The following SNX29 variants were observed in gnomAD, a reference collection of about 807,000 sequenced individuals.
SNX29 encodes sorting nexin 29, also known as sorting nexin-29.
In SNX29, 78 loss-of-function variants were observed where a neutral mutation model predicts 102.1. That is an observed-to-expected ratio of 0.76 (90% CI 0.64 to 0.92). The LOEUF (loss-of-function observed/expected upper bound fraction) is 0.92. Among genes scored for constraint, SNX29 ranks in the 40% least tolerant of loss-of-function variants. The pLI is 0.00. For missense variants in SNX29, 1,280 were observed against 1,061.7 expected, an observed-to-expected ratio of 1.21 and a Z score of -2.86; for synonymous variants, 580 against 414.5, an observed-to-expected ratio of 1.40 and a Z score of -4.85.
At position 12,572,260 on chromosome 16, in the gene SNX29, C is replaced by T. The variant is rs936336146; in HGVS notation, c.*3631C>T. On this transcript the variant is annotated 3_prime_UTR_variant, in exon 21 of 21. Transcript: ENST00000566228. Reference sequence around the variant, plus strand: ...TACACCAGGTGGATTGATACCATGGCTGTAGCTGATGCAACTAACAAGTAC... The same window carrying T: ...TACACCAGGTGGATTGATACCATGGTTGTAGCTGATGCAACTAACAAGTAC... 6 of 1,057,168 alleles carry T rather than the reference C, an allele frequency of 5.7e-6. No individual in the cohort carries two copies. The highest frequency in any genetic ancestry group is 6.9e-6 in the Non-Finnish European group (6 of 872,566). 65.5% of individuals were successfully genotyped at this position (1,057,168 alleles called of 1,614,324 possible).
chr16:12,488,401 G>T (rs1042234953), intron 19 of SNX29, among the ~76,000 whole-genome samples: 1 of 151,934 alleles, frequency 6.6e-6, no homozygotes, highest in African/African-American at 2.4e-5. Context: ...ATACTCCATC[G>T]CATCACGGTT....
At chr16:12,547,036 G>A (rs995039473) in intron 20 of SNX29, among the ~76,000 whole-genome samples, 1 of 151,796 alleles carries the variant, frequency 6.6e-6, no homozygotes, top group Admixed American at 6.6e-5. Flanking sequence ...TAAAGCATCT[G>A]TTTTCATGGG....
intron 18 of SNX29, among the ~76,000 whole-genome samples, chr16:12,417,457 C>G (rs1156316610): frequency 6.6e-6 from 1 of 152,182 alleles, no homozygotes. Flanking sequence ...GGGAGATGAG[C>G]TAGTGGGTCA....
intron 20 of SNX29, among the ~76,000 whole-genome samples, chr16:12,555,901 C>G (rs567252562): frequency 1.3e-5 from 2 of 151,896 alleles, no homozygotes; most frequent in African/African-American, 4.9e-5. Flanking sequence ...TGTTCTTGGT[C>G]TCAAACCTTA....
intron 14 of SNX29, among the ~76,000 whole-genome samples, chr16:12,260,096 C>CT (rs1215354621): frequency 6.6e-6 from 1 of 152,174 alleles, no homozygotes; most frequent in Non-Finnish European, 1.5e-5. Context: ...CCATTGTGAC[C>CT]TGACCCTATG....
chr16:12,027,666 C>G (rs2057231736), intron 4 of SNX29: 1 of 465,776 alleles, frequency 2.1e-6, no homozygotes, highest in Non-Finnish European at 3.7e-6. Context: ...CTCAGAGCCA[C>G]ATGGTACAGT....
At chr16:12,356,414 T>A in intron 16 of SNX29, 135 bp downstream of exon 16, 2 of 691,734 alleles carry the variant, frequency 2.9e-6, no homozygotes, top group East Asian at 5.7e-5. Flanking sequence ...CTGCCACATT[T>A]GCTTTTTATT....
chr16:12,532,047 A>C (rs1453549896), intron 20 of SNX29, among the ~76,000 whole-genome samples: 1 of 152,150 alleles, frequency 6.6e-6, no homozygotes, highest in Non-Finnish European at 1.5e-5. Context: ...ATGGAGCTGC[A>C]GGTCTGGGTC....
chr16:12,526,523 C>A, intron 20 of SNX29: 1 of 512,094 alleles, frequency 2.0e-6, no homozygotes, highest in Non-Finnish European at 3.8e-6. Context: ...CTTTATTTTT[C>A]TTTTCTTCTT....
intron 4 of SNX29, among the ~76,000 whole-genome samples, chr16:12,030,276 C>G (rs561918943): frequency 1.3e-5 from 2 of 152,198 alleles, no homozygotes; most frequent in African/African-American, 4.8e-5. Flanking sequence ...TATTCTTAGT[C>G]ATACCCGCAG....
Position 12,249,554 on chromosome 16 carries a change from A to G in SNX29, c.1679-28379A>G, listed in dbSNP as rs372088535. Among the ~76,000 whole-genome samples, 121 of 152,282 alleles carry G rather than the reference A, an allele frequency of 7.9e-4. 4 individuals carry two copies. The South Asian group carries it at 0.025, about 31-fold the overall frequency. On this transcript the variant is annotated intron_variant, in intron 14 of 20. Transcript: ENST00000566228. ...GGCCACTGGTCTAACCACTGGCATT[A>G]CCATAGGTAGATGAAAGGACAGATT...
intron 14 of SNX29, among the ~76,000 whole-genome samples, chr16:12,226,920 G>C (rs959608860): frequency 5.3e-5 from 8 of 152,236 alleles, no homozygotes; most frequent in African/African-American, 1.9e-4. Flanking sequence ...ACGTCTACTG[G>C]CTAGCTGATT....
At chr16:12,255,144 G>A (rs1489452525) in intron 14 of SNX29, among the ~76,000 whole-genome samples, 3 of 152,034 alleles carry the variant, frequency 2.0e-5, no homozygotes, top group African/African-American at 7.2e-5. Flanking sequence ...TTTTTTTGGT[G>A]TTGAGACCAT....
rs1163411930 is a variant in SNX29, at chr16:12,444,124, A to G, written c.2038-33595A>G. Among the ~76,000 whole-genome samples the G allele has an allele frequency of 3.3e-5, 5 of 152,172 alleles. No homozygotes were observed. The East Asian group carries it at 9.7e-4, about 29-fold the overall frequency. On this transcript the variant is annotated intron_variant, in intron 18 of 20. Coordinates refer to ENST00000566228, the MANE Select transcript of SNX29 (RefSeq NM_032167.5). Reference sequence around the variant, plus strand: ...ACCTAGCACGTAGTAAGCACTCAGTATAGCACCTAGCACGTAGTAAGCACT... The same window carrying G: ...ACCTAGCACGTAGTAAGCACTCAGTGTAGCACCTAGCACGTAGTAAGCACT...
At chr16:11,981,217 A>G (rs1326945757) in intron 1 of SNX29, among the ~76,000 whole-genome samples, 1 of 151,872 alleles carries the variant, frequency 6.6e-6, no homozygotes, top group African/African-American at 2.4e-5. Flanking sequence ...TGGTCCGCCT[A>G]CCTCAGCCTC....
At chr16:12,172,535 C>T (rs545455235) in intron 13 of SNX29, among the ~76,000 whole-genome samples, 1 of 152,296 alleles carries the variant, frequency 6.6e-6, no homozygotes, top group South Asian at 2.1e-4. Flanking sequence ...CATCATTCAC[C>T]TCTCTGGATC....
intron 20 of SNX29, among the ~76,000 whole-genome samples, chr16:12,562,644 G>A (rs566267741): frequency 6.6e-6 from 1 of 152,156 alleles, no homozygotes; most frequent in Admixed American, 6.5e-5. Flanking sequence ...CTTCCCTGAG[G>A]GGCTGTTTTA....
chr16:12,364,566 G>A (rs7202201), intron 16 of SNX29, among the ~76,000 whole-genome samples: 59,748 of 151,958 alleles, frequency 0.39, 13,591 homozygotes, highest in Non-Finnish European at 0.54. Flanking sequence ...AGTAAGAAAT[G>A]GAGACAGGGA....
At chr16:12,271,540 A>T (rs191687478) in intron 14 of SNX29, among the ~76,000 whole-genome samples, 2 of 152,198 alleles carry the variant, frequency 1.3e-5, no homozygotes, top group Admixed American at 6.5e-5. Context: ...CCTATGCTCA[A>T]GGGGTAGGGA....
Sources: gnomAD v4.1 joint callset for allele counts (sites outside exome capture counted in the v4.1 genomes callset) on GRCh38, gnomAD v4.1.1 for gene constraint, MANE v1.5 for transcripts, NCBI Gene and HGNC (gene_info 2026-07-23, HGNC 2026-07-21) for gene names.